AFF3: variants seen among roughly 807,000 people sequenced by gnomAD.
AFF3 encodes AF4/FMR2 family member 3.
AFF3 carries 32 observed loss-of-function variants against 129.7 expected under a neutral mutation model. The ratio of observed to expected loss-of-function variants is 0.25; its 90% CI spans 0.19 to 0.33. AFF3 has a LOEUF of 0.33. Among genes scored for constraint, AFF3 ranks in the 10% least tolerant of loss-of-function variants. AFF3 has a pLI of 1.00. For missense variants in AFF3, 1,373 were observed against 1,592.0 expected (o/e 0.86, Z 2.34); for synonymous variants, 644 against 635.4 (o/e 1.01, Z -0.20).
chr2:99,915,391 T>C (rs186653628), intron 7 of AFF3, among the ~76,000 whole-genome samples: 1 of 152,128 alleles, frequency 6.6e-6, no homozygotes, highest in Non-Finnish European at 1.5e-5. Flanking sequence ...TATATAAACA[T>C]ACAAATGTAA....
intron 8 of AFF3, among the ~76,000 whole-genome samples, chr2:99,823,346 T>C (rs1312221181): frequency 6.6e-6 from 1 of 151,936 alleles, no homozygotes; most frequent in Non-Finnish European, 1.5e-5. Flanking sequence ...GGTCACAAGT[T>C]ACTGCCAGAG....
chr2:99,688,501 C>G (rs975340381), intron 11 of AFF3, among the ~76,000 whole-genome samples: 2 of 152,226 alleles, frequency 1.3e-5, no homozygotes, highest in African/African-American at 4.8e-5. Context: ...ATTGCCAAAT[C>G]AAATGGACAC....
chr2:100,134,777 A>C (rs1055237497), intron 1 of AFF3, among the ~76,000 whole-genome samples: 6 of 152,242 alleles, frequency 3.9e-5, no homozygotes, highest in African/African-American at 1.4e-4. Context: ...TTTATTCAGT[A>C]AACAGTTTAT....
chr2:99,569,943 G>A (rs1312246290), intron 18 of AFF3, among the ~76,000 whole-genome samples: 1 of 152,174 alleles, frequency 6.6e-6, no homozygotes. Context: ...TAGGTAGTCA[G>A]AACATTCATG....
intron 7 of AFF3, among the ~76,000 whole-genome samples, chr2:99,979,683 T>C (rs1679215884): frequency 6.6e-6 from 1 of 152,098 alleles, no homozygotes; most frequent in East Asian, 1.9e-4. Flanking sequence ...GGGGTCTCTT[T>C]ATGTTGGCCA....
intron 8 of AFF3, among the ~76,000 whole-genome samples, chr2:99,754,768 T>C (rs1402190316): frequency 6.6e-6 from 1 of 152,200 alleles, no homozygotes; most frequent in Non-Finnish European, 1.5e-5. Context: ...GGGTGGAAAC[T>C]GTCCTCCTGA....
chr2:100,011,849 T>C (rs756843416), intron 4 of AFF3, among the ~76,000 whole-genome samples: 10 of 152,168 alleles, frequency 6.6e-5, no homozygotes, highest in Admixed American at 5.2e-4. Flanking sequence ...ATTAGGCAGA[T>C]ATCAGACCCA....
intron 8 of AFF3, among the ~76,000 whole-genome samples, chr2:99,793,131 C>T (rs1231949255): frequency 2.6e-5 from 4 of 152,114 alleles, no homozygotes; most frequent in African/African-American, 9.7e-5. Flanking sequence ...GCCTGGTGCC[C>T]TCCCCATGGT....
At chr2:99,919,452 C>A (rs1324379693) in intron 7 of AFF3, among the ~76,000 whole-genome samples, 1 of 152,084 alleles carries the variant, frequency 6.6e-6, no homozygotes, top group African/African-American at 2.4e-5. Flanking sequence ...ATCCTCCAGG[C>A]AGCTGCCATT....
intron 7 of AFF3, among the ~76,000 whole-genome samples, chr2:99,871,703 T>C (rs981695077): frequency 6.6e-6 from 1 of 152,150 alleles, no homozygotes; most frequent in Non-Finnish European, 1.5e-5. Context: ...TAAAATCTAC[T>C]GGTCTTAGAC....
intron 13 of AFF3, among the ~76,000 whole-genome samples, chr2:99,639,735 G>A (rs543074291): frequency 2.7e-5 from 4 of 150,342 alleles, no homozygotes; most frequent in African/African-American, 9.8e-5. Context: ...ACCCAGGTTG[G>A]AGTGCAATGG....
intron 12 of AFF3, among the ~76,000 whole-genome samples, chr2:99,651,435 T>C (rs1346305200): frequency 6.6e-6 from 1 of 151,576 alleles, no homozygotes; most frequent in Non-Finnish European, 1.5e-5. Flanking sequence ...GATACACAGG[T>C]CATGGTTACT....
intron 7 of AFF3, among the ~76,000 whole-genome samples, chr2:99,848,914 A>AG (rs1324915363): frequency 6.6e-6 from 1 of 152,174 alleles, no homozygotes; most frequent in Admixed American, 6.5e-5. Context: ...CTAAAAAAAG[A>AG]GGACACTCGG....
rs1391378513 is a variant in AFF3, at chr2:99,781,479, T to C, written c.922-29178A>G. Reference sequence around the variant, plus strand: ...TCTTAGGGCTGGGTCAGCAAAACAATGGCTGCCAGGCCAAACTGGCCTGCC... The same window carrying C: ...TCTTAGGGCTGGGTCAGCAAAACAACGGCTGCCAGGCCAAACTGGCCTGCC... On this transcript the variant is annotated intron_variant, in intron 8 of 24. Coordinates refer to ENST00000672756, the MANE Select transcript of AFF3 (RefSeq NM_001386135.1). 2.0e-5 allele frequency among the ~76,000 whole-genome samples: 3 copies of C among 152,226 alleles called. No homozygotes were observed. In the East Asian group the frequency reaches 5.8e-4, roughly 29 times the overall value.
chr2:99,557,279 CTTTTTT>C (rs201716560), intron 22 of AFF3, among the ~76,000 whole-genome samples: 1 of 133,684 alleles, frequency 7.5e-6, no homozygotes, highest in East Asian at 2.1e-4. Flanking sequence ...TTGTGTTTTC[CTTTTTT>C]TTTTTTTTTT....
intron 4 of AFF3, among the ~76,000 whole-genome samples, chr2:100,049,820 G>T (rs2105127258): frequency 6.6e-6 from 1 of 152,258 alleles, no homozygotes; most frequent in South Asian, 2.1e-4. Flanking sequence ...GTCAAACTAG[G>T]AGTACTCCTC....
chr2:99,725,454 C>G (rs1308171240), intron 11 of AFF3, among the ~76,000 whole-genome samples: 1 of 152,026 alleles, frequency 6.6e-6, no homozygotes, highest in African/African-American at 2.4e-5. Flanking sequence ...CTCAGCCTCC[C>G]GTGTAGCTGG....
rs535435974 is a variant in AFF3 at position 99,648,830 on chromosome 2, T to C, written c.1184+796A>G. Reference sequence around the variant, plus strand: ...GCTCCTCCTGCTGCTTCTAATGCTGTGGAGACACACAGGGATTTCATCTTT... The same window carrying C: ...GCTCCTCCTGCTGCTTCTAATGCTGCGGAGACACACAGGGATTTCATCTTT... On this transcript the variant is annotated intron_variant, in intron 13 of 24. Transcript: ENST00000672756. 1.1e-4 allele frequency among the ~76,000 whole-genome samples: 17 copies of C among 151,146 alleles called. No individual in the cohort carries two copies. In the South Asian group the frequency reaches 2.3e-3, roughly 21 times the overall value.
chr2:100,125,031 C>T (rs13425487), intron 2 of AFF3, among the ~76,000 whole-genome samples: 2 of 152,128 alleles, frequency 1.3e-5, no homozygotes, highest in South Asian at 4.2e-4. Flanking sequence ...AACACAAAAA[C>T]AAAAGGTAAA....
Sources: allele counts gnomAD v4.1 joint callset (sites outside exome capture counted in the v4.1 genomes callset), GRCh38; gene constraint gnomAD v4.1.1; transcripts MANE v1.5; gene names NCBI Gene and HGNC (gene_info 2026-07-23, HGNC 2026-07-21).